GABRA4: variants seen among roughly 807,000 people sequenced by gnomAD.
GABRA4 encodes the protein gamma-aminobutyric acid receptor subunit alpha-4.
In GABRA4, 12 loss-of-function variants were observed where a neutral mutation model predicts 49.7. That is an observed-to-expected ratio of 0.24 (90% CI 0.15 to 0.39). GABRA4 has a LOEUF of 0.39. Among genes scored for constraint, GABRA4 ranks in the 10% least tolerant of loss-of-function variants. The probability of loss-of-function intolerance (pLI) is 1.00; values close to 1 mark genes in which losing one functional copy is unlikely to be tolerated. For synonymous variants in GABRA4, 288 were observed against 240.2 expected, an observed-to-expected ratio of 1.20 and a Z score of -1.84; for missense variants, 506 against 686.0, an observed-to-expected ratio of 0.74 and a Z score of 2.93.
intron 8 of GABRA4, among the ~76,000 whole-genome samples, chr4:46,943,101 C>A (rs564065651): frequency 2.6e-5 from 4 of 152,144 alleles, no homozygotes; most frequent in African/African-American, 9.6e-5. Flanking sequence ...TAGAGACCAG[C>A]CCAAAGTTCT....
intron 2 of GABRA4, among the ~76,000 whole-genome samples, chr4:46,986,223 A>T (rs1723530819): frequency 6.6e-6 from 1 of 151,800 alleles, no homozygotes; most frequent in South Asian, 2.1e-4. Flanking sequence ...TACCATCGCA[A>T]TTTCTCTGCT....
In GABRA4 at chr4:46,992,913, C is replaced by G. The variant is rs146294359; in HGVS notation, c.120G>C (p.Glu40Asp). Residue 40 changes from glutamate (E) to aspartate (D), a missense_variant, in exon 2 of 9, where the codon GAG becomes GAC. Transcript: ENST00000264318. ...LNESPGQNQK[E>D]EKLCTENFTR... ...TGAAATTTTCTGTGCACAATTTCTC[C>G]TCCTTTTGGTTCTGTCCTGGGGATT... 2 of 1,612,974 alleles carry G rather than the reference C, an allele frequency of 1.2e-6. No individual in the cohort carries two copies. Among genetic ancestry groups the G allele is most frequent in the South Asian group, 2.2e-5 (2 of 91,028 alleles).
chr4:46,954,558 A>G (rs1722278492), intron 8 of GABRA4, among the ~76,000 whole-genome samples: 1 of 144,240 alleles, frequency 6.9e-6, no homozygotes, highest in Non-Finnish European at 1.5e-5. Flanking sequence ...ACGCCATCCA[A>G]AAAAAAAAAA....
At chr4:46,986,336 G>A (rs1723536421) in intron 2 of GABRA4, among the ~76,000 whole-genome samples, 1 of 151,988 alleles carries the variant, frequency 6.6e-6, no homozygotes, top group South Asian at 2.1e-4. Context: ...CATCAAAACA[G>A]TCAAAACAGT....
intron 8 of GABRA4, among the ~76,000 whole-genome samples, chr4:46,950,316 G>A (rs16851641): frequency 0.15 from 23,300 of 151,984 alleles, 1,992 homozygotes; most frequent in South Asian, 0.25. Context: ...CACAAAGTAC[G>A]GCTCCAAGGT....
intron 8 of GABRA4, among the ~76,000 whole-genome samples, chr4:46,944,644 G>A (rs1165531841): frequency 6.6e-6 from 1 of 151,996 alleles, no homozygotes; most frequent in Admixed American, 6.6e-5. Context: ...TCTTCTCACT[G>A]TCTTCTCTCC....
Position 46,919,364 on chromosome 4 carries a change from C to T in GABRA4, c.*8861G>A, listed in dbSNP as rs921859299. The T allele has an allele frequency of 2.6e-5, 4 of 151,348 alleles. No individual in the cohort carries two copies. Among genetic ancestry groups the T allele is most frequent in the Admixed American group, 2.6e-4 (4 of 15,200 alleles). 9.4% of individuals were successfully genotyped at this position (151,348 alleles called of 1,614,324 possible). A position where few individuals can be genotyped will look rare whatever the true frequency, so the allele number is the denominator to read the frequency against. On this transcript the variant is annotated 3_prime_UTR_variant, in exon 9 of 9. Coordinates refer to ENST00000264318, the MANE Select transcript of GABRA4 (RefSeq NM_000809.4). ...ATAATATACCATGATAATATTCCTACATTGAATAAAATTGCCAATTTCAGG... is the reference window on the plus strand; with the variant it reads ...ATAATATACCATGATAATATTCCTATATTGAATAAAATTGCCAATTTCAGG...
intron 8 of GABRA4, among the ~76,000 whole-genome samples, chr4:46,960,290 T>G (rs1316094478): frequency 1.3e-5 from 2 of 151,440 alleles, no homozygotes; most frequent in Non-Finnish European, 3.0e-5. Flanking sequence ...ATGTATAAAA[T>G]AAAAATAAAA....
At chr4:46,929,945 G>A (rs1721373725) in intron 8 of GABRA4, among the ~76,000 whole-genome samples, 1 of 152,040 alleles carries the variant, frequency 6.6e-6, no homozygotes, top group Non-Finnish European at 1.5e-5. Context: ...TATGAAGTGG[G>A]TAGATTATAT....
intron 2 of GABRA4, chr4:46,992,598 G>C (rs959398682): frequency 1.8e-6 from 1 of 540,732 alleles, no homozygotes. Flanking sequence ...GGTCCCGGGA[G>C]GTAATTAGTG....
intron 6 of GABRA4, 151 bp downstream of exon 6, chr4:46,974,081 A>G: frequency 1.9e-6 from 1 of 521,828 alleles, no homozygotes; most frequent in South Asian, 5.9e-5. Flanking sequence ...AAATATAAAG[A>G]AATTATGAGC....
At chr4:46,955,161 A>C (rs572978357) in intron 8 of GABRA4, among the ~76,000 whole-genome samples, 32 of 152,188 alleles carry the variant, frequency 2.1e-4, no homozygotes, top group African/African-American at 3.9e-4. Context: ...TAAATGAACA[A>C]ATATACTATT....
intron 7 of GABRA4, among the ~76,000 whole-genome samples, chr4:46,967,345 T>C (rs992947409): frequency 6.6e-6 from 1 of 151,494 alleles, no homozygotes. Flanking sequence ...TTCCCTATGT[T>C]ACTTTGAACT....
intron 8 of GABRA4, among the ~76,000 whole-genome samples, chr4:46,952,098 TG>T (rs1333583863): frequency 1.3e-5 from 2 of 152,022 alleles, no homozygotes; most frequent in African/African-American, 4.8e-5. Flanking sequence ...TGGCCTACAT[TG>T]TTTGGGATTG....
chr4:46,925,768 T>C lies in GABRA4; in HGVS notation c.*2457A>G, dbSNP rs1033508243. ...ATTATTATTATTATTATCATCATTATTATCATTGTGTGCAAATGAAATAAT... is the reference window on the plus strand; with the variant it reads ...ATTATTATTATTATTATCATCATTACTATCATTGTGTGCAAATGAAATAAT... On this transcript the variant is annotated 3_prime_UTR_variant, in exon 9 of 9. Transcript: ENST00000264318. 1.4e-5 allele frequency: 2 copies of C among 147,878 alleles called. No individual in the cohort carries two copies. Among genetic ancestry groups the C allele is most frequent in the Admixed American group, 6.8e-5 (1 of 14,692 alleles). The allele number at this position is 147,878 out of a possible 1,614,324, so 9.2% of individuals were successfully genotyped here. A position where few individuals can be genotyped will look rare whatever the true frequency, so the allele number is the denominator to read the frequency against.
At chr4:46,934,223 A>T (rs1014040774) in intron 8 of GABRA4, among the ~76,000 whole-genome samples, 1 of 152,180 alleles carries the variant, frequency 6.6e-6, no homozygotes, top group Non-Finnish European at 1.5e-5. Flanking sequence ...CACATACTAA[A>T]AAAAAAGAAT....
At chr4:46,977,016 C>T in intron 5 of GABRA4, 45 bp downstream of exon 5, 1 of 1,047,856 alleles carries the variant, frequency 9.5e-7, no homozygotes, top group Middle Eastern at 2.0e-4. Flanking sequence ...TATTAGCTTG[C>T]ATGAGGTAAT....
chr4:46,993,478 C>T lies in GABRA4; in HGVS notation c.-54G>A, dbSNP rs757921405. The T allele has an allele frequency of 6.3e-7, 1 of 1,576,308 alleles. No individual in the cohort carries two copies. The highest frequency in any genetic ancestry group is 8.7e-7 in the Non-Finnish European group (1 of 1,146,210). On this transcript the variant is annotated 5_prime_UTR_variant, in exon 1 of 9. Coordinates refer to ENST00000264318, the MANE Select transcript of GABRA4 (RefSeq NM_000809.4). ...TTCACGTTTCCAGGCTCTTCAGATGCCCTGAGCAGGGTGCGAGGAGAGGGC... is the reference window on the plus strand; with the variant it reads ...TTCACGTTTCCAGGCTCTTCAGATGTCCTGAGCAGGGTGCGAGGAGAGGGC...
intron 8 of GABRA4, among the ~76,000 whole-genome samples, chr4:46,947,271 A>T (rs887216536): frequency 6.6e-6 from 1 of 151,988 alleles, no homozygotes; most frequent in Non-Finnish European, 1.5e-5. Flanking sequence ...TGTTTACCCC[A>T]TTCCCCTAAG....
Sources: allele counts gnomAD v4.1 joint callset (sites outside exome capture counted in the v4.1 genomes callset), GRCh38; gene constraint gnomAD v4.1.1; transcripts MANE v1.5; gene names NCBI Gene and HGNC (gene_info 2026-07-23, HGNC 2026-07-21).